Variants in NXPE2 observed in about 807,000 individuals in gnomAD.
NXPE2 encodes the protein NXPE family member 2.
NXPE2 carries 34 observed loss-of-function variants against 34.4 expected under a neutral mutation model. The observed-to-expected ratio is 0.99, with a 90% confidence interval of 0.75 to 1.31. The LOEUF is 1.31. Ranked by LOEUF, NXPE2 falls within the 40% of genes most tolerant of loss-of-function variation. The probability of loss-of-function intolerance (pLI) is 0.00; values close to 1 mark genes in which losing one functional copy is unlikely to be tolerated. For synonymous variants in NXPE2, 235 were observed against 231.3 expected (o/e 1.02, Z -0.15); for missense variants, 649 against 672.5 (o/e 0.97, Z 0.39).
At chr11:114,739,370 CCCTCACTCACTCCTTCCCTT>C in the NXPE2 span, among the ~76,000 whole-genome samples, 2 of 55,082 alleles carry the variant, frequency 3.6e-5, no homozygotes, top group African/African-American at 1.2e-4. Flanking sequence ...CTCCCTCCCT[CCCTCACTCACTCCTTCCCTT>C]CCTCCCTCCC....
At chr11:114,633,879 G>T in the NXPE2 span, among the ~76,000 whole-genome samples, 50 of 152,114 alleles carry the variant, frequency 3.3e-4, no homozygotes, top group South Asian at 4.1e-3. Context: ...GGATATTGGG[G>T]TTGGTTCCAA....
chr11:114,630,286 C>T, the NXPE2 span, among the ~76,000 whole-genome samples: 2 of 151,900 alleles, frequency 1.3e-5, no homozygotes, highest in East Asian at 3.9e-4. Context: ...TAAAAGGCTA[C>T]AGTAACCAAA....
chr11:114,737,498 C>A, the NXPE2 span, among the ~76,000 whole-genome samples: 6 of 152,112 alleles, frequency 3.9e-5, no homozygotes, highest in Non-Finnish European at 7.4e-5. Flanking sequence ...AGCAACACTT[C>A]TTGAGTACTT....
At chr11:114,632,332 C>T in the NXPE2 span, among the ~76,000 whole-genome samples, 1 of 132,122 alleles carries the variant, frequency 7.6e-6, no homozygotes, top group East Asian at 2.0e-4. Flanking sequence ...CACTGGGTAA[C>T]ATAATAGAAT....
chr11:114,580,040 A>G, the NXPE2 span: 1 of 1,133,044 alleles, frequency 8.8e-7, no homozygotes, highest in South Asian at 1.4e-5. Context: ...GAATATGAAA[A>G]AAAGAGGAAT....
chr11:114,586,964 C>A, the NXPE2 span, among the ~76,000 whole-genome samples: 877 of 152,242 alleles, frequency 5.8e-3, 5 homozygotes, highest in African/African-American at 0.021. Context: ...TCCCTCCCCA[C>A]ACCCCCTGTG....
chr11:114,471,946 A>G, the NXPE2 span, among the ~76,000 whole-genome samples: 1 of 152,210 alleles, frequency 6.6e-6, no homozygotes, highest in South Asian at 2.1e-4. Flanking sequence ...CAGGTTTGCC[A>G]AAATTAGGGG....
chr11:114,648,066 T>C, the NXPE2 span, among the ~76,000 whole-genome samples: 1 of 152,174 alleles, frequency 6.6e-6, no homozygotes, highest in African/African-American at 2.4e-5. Flanking sequence ...ATAAGACATA[T>C]ATTGAGTCTT....
the NXPE2 span, among the ~76,000 whole-genome samples, chr11:114,770,173 T>G: frequency 6.6e-6 from 1 of 152,206 alleles, no homozygotes; most frequent in South Asian, 2.1e-4. Flanking sequence ...TCCAGTCATG[T>G]TACCCCTAAA....
At chr11:114,567,625 A>C in the NXPE2 span, among the ~76,000 whole-genome samples, 1 of 151,974 alleles carries the variant, frequency 6.6e-6, no homozygotes, top group African/African-American at 2.4e-5. Flanking sequence ...CGTTTGGCCC[A>C]CTGGGTGGTT....
At chr11:114,699,882 C>T (rs941767301) in intron 3 of NXPE2, among the ~76,000 whole-genome samples, 32 of 151,760 alleles carry the variant, frequency 2.1e-4, no homozygotes, top group African/African-American at 7.7e-4. Flanking sequence ...CAACCTCCGC[C>T]TCCTGGGTAC....
At chr11:114,640,199 ATAT>A in the NXPE2 span, among the ~76,000 whole-genome samples, 19 of 123,984 alleles carry the variant, frequency 1.5e-4, no homozygotes, top group East Asian at 4.6e-4. Context: ...TAATTTATAT[ATAT>A]TATATTTTAA....
the NXPE2 span, chr11:114,595,816 G>A: frequency 1.3e-5 from 2 of 152,256 alleles, no homozygotes; most frequent in African/African-American, 2.4e-5. Context: ...CCTTAAGGAG[G>A]GGCCTGGATC....
the NXPE2 span, among the ~76,000 whole-genome samples, chr11:114,553,481 GCTT>G: frequency 6.6e-6 from 1 of 152,278 alleles, no homozygotes; most frequent in Admixed American, 6.5e-5. Context: ...TGGCCAGAGA[GCTT>G]CTTTGTCAGA....
the NXPE2 span, among the ~76,000 whole-genome samples, chr11:114,588,554 A>G: frequency 1.3e-5 from 2 of 152,326 alleles, no homozygotes; most frequent in South Asian, 2.1e-4. Flanking sequence ...AAAAAAGAAT[A>G]TAGAGAAAAT....
chr11:114,704,156 T>A (rs990622987), intron 4 of NXPE2, 104 bp downstream of exon 4: 3 of 827,170 alleles, frequency 3.6e-6, no homozygotes, highest in Non-Finnish European at 5.8e-6. Flanking sequence ...ATCTCTCATT[T>A]CCTGGGACAA....
chr11:114,684,586 A>C (rs980334430), intron 2 of NXPE2, among the ~76,000 whole-genome samples: 2 of 152,146 alleles, frequency 1.3e-5, no homozygotes, highest in Non-Finnish European at 2.9e-5. Context: ...CACTTGGCTG[A>C]GGAGTTAGTG....
chr11:114,761,656 C>T, the NXPE2 span, among the ~76,000 whole-genome samples: 1 of 148,856 alleles, frequency 6.7e-6, no homozygotes, highest in Non-Finnish European at 1.5e-5. Flanking sequence ...TCACTACAAG[C>T]TCCGCCTCCC....
chr11:114,527,796 AG>A, the NXPE2 span: 1 of 1,413,102 alleles, frequency 7.1e-7, no homozygotes. Flanking sequence ...TGCTGATAAA[AG>A]TTTCCTCTGA....
Sources: allele counts gnomAD v4.1 joint callset (sites outside exome capture counted in the v4.1 genomes callset), GRCh38; gene constraint gnomAD v4.1.1; transcripts MANE v1.5; gene names NCBI Gene and HGNC (gene_info 2026-07-23, HGNC 2026-07-21).